RHOT1: variants seen among roughly 807,000 people sequenced by gnomAD.
RHOT1 encodes mitochondrial Rho GTPase 1.
RHOT1 carries 27 observed loss-of-function variants against 95.3 expected under a neutral mutation model. That is an observed-to-expected ratio of 0.28 (90% CI 0.21 to 0.39). The LOEUF is 0.39. Ranked by LOEUF, RHOT1 falls within the 10% of genes least tolerant of loss-of-function variation. The probability of loss-of-function intolerance (pLI) is 1.00; values close to 1 mark genes in which losing one functional copy is unlikely to be tolerated. For synonymous variants in RHOT1, 227 were observed against 263.5 expected, an observed-to-expected ratio of 0.86 and a Z score of 1.34; for missense variants, 578 against 786.7, an observed-to-expected ratio of 0.73 and a Z score of 3.17.
intron 1 of RHOT1, among the ~76,000 whole-genome samples, chr17:32,166,179 C>A (rs1235309817): frequency 6.2e-5 from 9 of 144,468 alleles, no homozygotes; most frequent in African/African-American, 2.1e-4. Flanking sequence ...CACAGCGAGA[C>A]TCTATCTCAA....
At chr17:32,203,405 A>G (rs1360740169) in intron 15 of RHOT1, among the ~76,000 whole-genome samples, 1 of 151,208 alleles carries the variant, frequency 6.6e-6, no homozygotes, top group Non-Finnish European at 1.5e-5. Flanking sequence ...CCCCTGGAGC[A>G]GCTGGGACCA....
chr17:32,155,083 CAAAAA>C (rs201027467), intron 1 of RHOT1, among the ~76,000 whole-genome samples: 1,712 of 151,904 alleles, frequency 0.011, 31 homozygotes, highest in African/African-American at 0.039. Flanking sequence ...GATCCTGTCT[CAAAAA>C]AGAAAAGAAA....
chr17:32,152,692 G>A (rs775519517), intron 1 of RHOT1, among the ~76,000 whole-genome samples: 4 of 152,058 alleles, frequency 2.6e-5, no homozygotes, highest in Non-Finnish European at 4.4e-5. Context: ...TTGAAAGCCT[G>A]AATTTTGCTA....
At chr17:32,196,181 CTTTTT>C (rs1226938688) in intron 11 of RHOT1, among the ~76,000 whole-genome samples, 1 of 134,534 alleles carries the variant, frequency 7.4e-6, no homozygotes. Flanking sequence ...CAAGCTGCTG[CTTTTT>C]TTTTTTTTTT....
intron 2 of RHOT1, 123 bp from the exon 3 acceptor site, chr17:32,173,708 A>AC (rs2034761909): frequency 1.4e-6 from 1 of 697,312 alleles, no homozygotes; most frequent in African/African-American, 1.8e-5. Context: ...GTGAGACTCC[A>AC]TTAAAAAAAA....
intron 1 of RHOT1, among the ~76,000 whole-genome samples, chr17:32,156,342 C>T (rs571763960): frequency 5.3e-5 from 8 of 152,314 alleles, no homozygotes; most frequent in South Asian, 4.1e-4. Context: ...TCATGGCTCA[C>T]TGCAGCCTCA....
intron 1 of RHOT1, among the ~76,000 whole-genome samples, chr17:32,149,635 A>ATATGTGTGTGTGTGTGTGTGTGTGTG (rs1445281403): frequency 1.7e-5 from 1 of 59,096 alleles, no homozygotes; most frequent in Non-Finnish European, 3.4e-5. Context: ...ATATATATAT[A>ATATGTGTGTGTGTGTGTGTGTGTGTG]TGTGTGTGTG....
At chr17:32,203,813 C>A in intron 15 of RHOT1, 77 bp from the exon 16 acceptor site, 1 of 967,818 alleles carries the variant, frequency 1.0e-6, no homozygotes, top group Non-Finnish European at 1.7e-6. Flanking sequence ...AACACACCTG[C>A]ACATATACAC....
intron 4 of RHOT1, 146 bp downstream of exon 4, chr17:32,175,508 G>A: frequency 1.3e-6 from 1 of 783,584 alleles, no homozygotes; most frequent in South Asian, 1.7e-5. Context: ...CTGTCACCCA[G>A]TGCAGTGGCG....
At chr17:32,192,775 G>A (rs1366265396) in intron 9 of RHOT1, among the ~76,000 whole-genome samples, 3 of 151,300 alleles carry the variant, frequency 2.0e-5, no homozygotes, top group Non-Finnish European at 4.4e-5. Flanking sequence ...GGGTTCAAGC[G>A]ATTCTCCTGC....
intron 2 of RHOT1, among the ~76,000 whole-genome samples, chr17:32,173,605 C>T (rs971690249): frequency 6.6e-6 from 1 of 151,354 alleles, no homozygotes; most frequent in African/African-American, 2.4e-5. Context: ...CCCAGCTACT[C>T]GGGAGGCTGA....
intron 19 of RHOT1, among the ~76,000 whole-genome samples, chr17:32,224,230 T>A (rs1255139027): frequency 3.9e-5 from 6 of 152,220 alleles, no homozygotes; most frequent in African/African-American, 1.4e-4. Context: ...AGATTGCACA[T>A]TATTTAACCA....
At chr17:32,149,635 A>G (rs184713611) in intron 1 of RHOT1, among the ~76,000 whole-genome samples, 13,250 of 56,372 alleles carry the variant, frequency 0.24, 2,526 homozygotes, top group African/African-American at 0.46. Flanking sequence ...ATATATATAT[A>G]TGTGTGTGTG....
In RHOT1 at chr17:32,224,677, A is replaced by G; in HGVS notation, c.1924A>G (p.Thr642Ala). ...TTGGCTTCGAGCAAGTTTTGGTGCT[A>G]CTGTTTTTGCAGTTTTGGGCTTTGC... ...TFWLRASFGATVFAVLGFAMY... is the reference protein window; with the variant it reads ...TFWLRASFGAAVFAVLGFAMY... Residue 642 changes from threonine to alanine, a missense_variant, in exon 20 of 20, where the codon ACT becomes GCT. Physicochemically the swap from Thr to Ala is moderately conservative, Grantham distance 58 (BLOSUM62 0). This residue lies in a region of RHOT1 where 296 missense variants were observed against 338.5 expected (regional missense o/e 0.87). Coordinates refer to ENST00000545287, the MANE Select transcript of RHOT1 (RefSeq NM_001033566.3). 6.2e-7 allele frequency: 1 copy of G among 1,613,694 alleles called. No homozygotes were observed. Among genetic ancestry groups the G allele is most frequent in the South Asian group, 1.1e-5 (1 of 91,042 alleles).
chr17:32,199,119 G>A, intron 12 of RHOT1, 88 bp downstream of exon 12: 6 of 1,055,264 alleles, frequency 5.7e-6, no homozygotes, highest in Non-Finnish European at 8.5e-6. Context: ...TATGGGATGT[G>A]TATGTTACAT....
chr17:32,160,093 G>A (rs560579489), intron 1 of RHOT1: 2 of 152,298 alleles, frequency 1.3e-5, no homozygotes, highest in Non-Finnish European at 2.9e-5. Flanking sequence ...CCTCTCTGCT[G>A]AGAGCTGAAG....
At chr17:32,156,401 G>A (rs1400268492) in intron 1 of RHOT1, among the ~76,000 whole-genome samples, 1 of 151,932 alleles carries the variant, frequency 6.6e-6, no homozygotes, top group Non-Finnish European at 1.5e-5. Flanking sequence ...CAAGTAGCTG[G>A]GACTACAAGC....
At chr17:32,215,251 G>A (rs1391552185) in intron 19 of RHOT1, among the ~76,000 whole-genome samples, 1 of 152,100 alleles carries the variant, frequency 6.6e-6, no homozygotes, top group African/African-American at 2.4e-5. Flanking sequence ...TAAATTAGTA[G>A]ACAAGTATTG....
Position 32,142,691 on chromosome 17 carries a change from A to T in RHOT1, c.-2A>T. 6.5e-7 allele frequency: 1 copy of T among 1,528,534 alleles called. No homozygotes were observed. The highest frequency in any genetic ancestry group is 2.5e-5 in the East Asian group (1 of 39,702). The allele number at this position is 1,528,534 out of a possible 1,614,324, so 94.7% of individuals were successfully genotyped here. A position where few individuals can be genotyped will look rare whatever the true frequency, so the allele number is the denominator to read the frequency against. ...GGAGGCCGGCCCCCGAGAGCCGCCG[A>T]CATGAAGAAAGACGTGCGGATCCTG... On this transcript the variant is annotated 5_prime_UTR_variant, in exon 1 of 20. Coordinates refer to ENST00000545287, the MANE Select transcript of RHOT1 (RefSeq NM_001033566.3).
Sources: gnomAD v4.1 joint callset for allele counts (sites outside exome capture counted in the v4.1 genomes callset) on GRCh38, gnomAD v4.1.1 for gene constraint, gnomAD v4.1.1 regional missense constraint, MANE v1.5 for transcripts, NCBI Gene and HGNC (gene_info 2026-07-23, HGNC 2026-07-21) for gene names.